DCBLD2: variants seen among roughly 807,000 people sequenced by gnomAD.
The protein encoded by DCBLD2 is discoidin, CUB and LCCL domain containing 2.
DCBLD2 carries 54 observed loss-of-function variants against 86.8 expected under a neutral mutation model. The observed-to-expected ratio is 0.62, with a 90% CI of 0.50 to 0.78. The LOEUF is 0.78. DCBLD2 is among the 30% of genes least tolerant of loss of function. The probability of loss-of-function intolerance (pLI) is 0.00; values close to 1 mark genes in which losing one functional copy is unlikely to be tolerated. For synonymous variants in DCBLD2, 354 were observed against 341.3 expected, an observed-to-expected ratio of 1.04 and a Z score of -0.41; for missense variants, 908 against 954.2, an observed-to-expected ratio of 0.95 and a Z score of 0.64.
chr3:98,831,124 T>C (rs1457629340), intron 3 of DCBLD2, among the ~76,000 whole-genome samples: 1 of 151,690 alleles, frequency 6.6e-6, no homozygotes, highest in Admixed American at 6.6e-5. Flanking sequence ...TGGAGTGCAG[T>C]GCAGTGGTGT....
At chr3:98,818,238 CAAAAT>C (rs1942058081) in intron 8 of DCBLD2, among the ~76,000 whole-genome samples, 1 of 152,104 alleles carries the variant, frequency 6.6e-6, no homozygotes, top group African/African-American at 2.4e-5. Context: ...AGTACCAAAA[CAAAAT>C]AAATATTTTA....
Position 98,798,801 on chromosome 3 carries a change from A to C in DCBLD2, c.*571T>G, listed in dbSNP as rs1339210090. On this transcript the variant is annotated 3_prime_UTR_variant, in exon 16 of 16. Transcript: ENST00000326840. ...AAGTGAAAAAGCAATCCCCCTGCTC[A>C]TTACAAGTCAGAAAATCCCAGCTAC... 4 of 152,706 alleles carry C rather than the reference A, an allele frequency of 2.6e-5. No homozygotes were observed. The East Asian group carries it at 7.7e-4, about 29-fold the overall frequency. 9.5% of individuals were successfully genotyped at this position (152,706 alleles called of 1,614,324 possible).
intron 12 of DCBLD2, 107 bp from the exon 13 acceptor site, chr3:98,808,281 A>T: frequency 1.1e-6 from 1 of 935,238 alleles, no homozygotes; most frequent in Middle Eastern, 2.2e-4. Flanking sequence ...TTTCTACCTC[A>T]CGGAAATACC....
At chr3:98,860,944 G>C (rs951380625) in intron 2 of DCBLD2, among the ~76,000 whole-genome samples, 8 of 152,284 alleles carry the variant, frequency 5.3e-5, no homozygotes, top group African/African-American at 1.7e-4. Flanking sequence ...TGGATAAAGA[G>C]TCGAGACTCA....
At position 98,825,358 on chromosome 3, in the gene DCBLD2, T is replaced by A. The variant is rs2107452529; in HGVS notation, c.580A>T (p.Thr194Ser). 6.5e-7 allele frequency: 1 copy of A among 1,549,460 alleles called. No individual in the cohort carries two copies. The highest frequency in any genetic ancestry group is 2.1e-5 in the Admixed American group (1 of 47,268). ...YSVIDKQDLITCLDTASNFLE... is the reference protein window; with the variant it reads ...YSVIDKQDLISCLDTASNFLE... ...AAATTGGATGCAGTGTCCAAACAAG[T>A]AATTAGATCTAGAAAAACAAAAATA... Residue 194 changes from threonine to serine, a missense_variant, in exon 4 of 16, where the codon ACT becomes TCT. Transcript: ENST00000326840.
chr3:98,806,813 A>G (rs762653674), intron 13 of DCBLD2, among the ~76,000 whole-genome samples: 7 of 152,188 alleles, frequency 4.6e-5, no homozygotes, highest in African/African-American at 1.4e-4. Context: ...CAGAAACCTC[A>G]GATTCCTCCT....
chr3:98,804,526 T>G (rs937388822), intron 13 of DCBLD2, among the ~76,000 whole-genome samples: 6 of 152,166 alleles, frequency 3.9e-5, no homozygotes, highest in Non-Finnish European at 8.8e-5. Context: ...TTTTGAAGGG[T>G]TTTTTGTCTC....
intron 14 of DCBLD2, 103 bp from the exon 15 acceptor site, chr3:98,800,819 C>T (rs1470404342): frequency 2.9e-5 from 41 of 1,434,030 alleles, no homozygotes; most frequent in Non-Finnish European, 6.7e-6. Flanking sequence ...ATTTCTATAA[C>T]AAATATCTCT....
chr3:98,881,486 A>T (rs1943469008), intron 2 of DCBLD2, 54 bp downstream of exon 2: 2 of 1,473,778 alleles, frequency 1.4e-6, no homozygotes, highest in Non-Finnish European at 9.5e-7. Flanking sequence ...TCAAAAAAAT[A>T]CATCATTGAG....
At chr3:98,864,778 T>C (rs10935512) in intron 2 of DCBLD2, among the ~76,000 whole-genome samples, 147,934 of 152,246 alleles carry the variant, frequency 0.97, 72,033 homozygotes, top group East Asian at 1. Context: ...GGGTGCAGCA[T>C]ACCAACATGG....
chr3:98,870,751 A>AAGAAAG (rs1559794472), intron 2 of DCBLD2, among the ~76,000 whole-genome samples: 1 of 130,506 alleles, frequency 7.7e-6, no homozygotes, highest in Admixed American at 7.5e-5. Context: ...GAAAGAAAGA[A>AAGAAAG]AGAAAGAAAG....
intron 3 of DCBLD2, among the ~76,000 whole-genome samples, chr3:98,838,137 C>CG (rs1448370618): frequency 8.7e-6 from 1 of 115,582 alleles, no homozygotes; most frequent in African/African-American, 3.3e-5. Flanking sequence ...GCTGGTCGGG[C>CG]GGGGGGCTGA....
chr3:98,887,802 C>T (rs1257837434), intron 1 of DCBLD2, among the ~76,000 whole-genome samples: 2 of 151,992 alleles, frequency 1.3e-5, no homozygotes, highest in Non-Finnish European at 2.9e-5. Context: ...TAAACTGATA[C>T]ATTTGTTACA....
chr3:98,851,567 G>T (rs909406905), intron 2 of DCBLD2, among the ~76,000 whole-genome samples: 1 of 152,144 alleles, frequency 6.6e-6, no homozygotes, highest in Non-Finnish European at 1.5e-5. Flanking sequence ...TTTCTTCACA[G>T]AATTAGAAAA....
rs572714832 is a variant in DCBLD2 at position 98,891,367 on chromosome 3, T to C, written c.206-9600A>G. Among the ~76,000 whole-genome samples, 3 of 152,236 alleles carry C rather than the reference T, an allele frequency of 2.0e-5. No individual in the cohort carries two copies. In the South Asian group the frequency reaches 6.2e-4, roughly 32 times the overall value. Reference sequence around the variant, plus strand: ...TCAATATTAAACTGACTTGGCTCTCTCAAATTTAACTAATCATTATATTTT... The same window carrying C: ...TCAATATTAAACTGACTTGGCTCTCCCAAATTTAACTAATCATTATATTTT... On this transcript the variant is annotated intron_variant, in intron 1 of 15. Coordinates refer to ENST00000326840, the MANE Select transcript of DCBLD2 (RefSeq NM_080927.4).
At chr3:98,821,138 T>C (rs1942113882) in intron 6 of DCBLD2, 1 of 152,220 alleles carries the variant, frequency 6.6e-6, no homozygotes, top group Non-Finnish European at 1.5e-5. Context: ...ATGTGGCCTG[T>C]AAAGCCTAAA....
At position 98,819,242 on chromosome 3, in the gene DCBLD2, C is replaced by T; in HGVS notation, c.1047G>A (p.Gln349=). 6.2e-7 allele frequency: 1 copy of T among 1,603,344 alleles called. No individual in the cohort carries two copies. Among genetic ancestry groups the T allele is most frequent in the East Asian group, 2.2e-5 (1 of 44,724 alleles). Residue 349 remains glutamine (Q), a synonymous_variant, in exon 8 of 16, where the codon CAG becomes CAA. Transcript: ENST00000326840. The stretch of plus-strand genomic sequence containing the variant: ...CCTTATTCAAATCTATTTGTAACCA[C>T]TGGTATTCATCAGTGGCAAAAGCAG... ...PWAAFATDEY[Q]WLQIDLNKEK...
chr3:98,839,179 T>TCCTTC, intron 3 of DCBLD2, among the ~76,000 whole-genome samples: 1 of 113,220 alleles, frequency 8.8e-6, no homozygotes, highest in Admixed American at 8.7e-5. Context: ...TTCCTTTCTT[T>TCCTTC]CTTCCTTCCT....
Position 98,819,536 on chromosome 3 carries a change from C to T in DCBLD2, c.872-119G>A, listed in dbSNP as rs553317451. 3.6e-5 allele frequency: 37 copies of T among 1,023,394 alleles called. 1 individual carries two copies. In the South Asian group the frequency reaches 5.9e-4, roughly 16 times the overall value. The allele number at this position is 1,023,394 out of a possible 1,614,324, so 63.4% of individuals were successfully genotyped here. On this transcript the variant is annotated intron_variant, in intron 7 of 15. Transcript: ENST00000326840. ...TAACATACACTACACTAATAATACA[C>T]TGTAACAGAGAAATTTCAAAACTAG...
Sources: gnomAD v4.1 joint callset for allele counts (sites outside exome capture counted in the v4.1 genomes callset) on GRCh38, gnomAD v4.1.1 for gene constraint, MANE v1.5 for transcripts, NCBI Gene and HGNC (gene_info 2026-07-23, HGNC 2026-07-21) for gene names.